The following AGBL1 variants were observed in gnomAD, a reference collection of about 807,000 sequenced individuals.
The protein encoded by AGBL1 is AGBL carboxypeptidase 1.
In AGBL1, 130 loss-of-function variants were observed where a neutral mutation model predicts 118.9. The ratio of observed to expected loss-of-function variants is 1.09; its 90% CI spans 0.95 to 1.26. The LOEUF (loss-of-function observed/expected upper bound fraction) is 1.26, where lower values mean the gene tolerates loss of function less well. Among genes scored for constraint, AGBL1 ranks in the 50% most tolerant of loss-of-function variants. AGBL1 has a pLI of 0.00. For missense variants in AGBL1, 1,584 were observed against 1,298.1 expected (o/e 1.22, Z -3.38); for synonymous variants, 555 against 478.9 (o/e 1.16, Z -2.08).
At chr15:86,148,556 G>C (rs2077062916) in intron 3 of AGBL1, among the ~76,000 whole-genome samples, 1 of 152,218 alleles carries the variant, frequency 6.6e-6, no homozygotes, top group Non-Finnish European at 1.5e-5. Flanking sequence ...ATGAAATAAA[G>C]TGAGAAGACA....
intron 13 of AGBL1, among the ~76,000 whole-genome samples, chr15:86,268,070 G>A (rs1214339910): frequency 2.6e-5 from 4 of 152,334 alleles, no homozygotes; most frequent in East Asian, 1.9e-4. Flanking sequence ...CTGGCGCATG[G>A]TCAGCACTTA....
intron 22 of AGBL1, among the ~76,000 whole-genome samples, chr15:86,720,688 A>AGT (rs2086704483): frequency 6.6e-6 from 1 of 152,174 alleles, no homozygotes; most frequent in Non-Finnish European, 1.5e-5. Flanking sequence ...GTCAGGGGTG[A>AGT]GTATACCGAT....
intron 5 of AGBL1, among the ~76,000 whole-genome samples, chr15:86,206,707 T>C (rs1340029127): frequency 6.6e-6 from 1 of 152,240 alleles, no homozygotes; most frequent in South Asian, 2.1e-4. Context: ...ATTGTGGATA[T>C]TAGCCCTTTG....
chr15:86,827,785 C>T (rs957945055), intron 22 of AGBL1, among the ~76,000 whole-genome samples: 5 of 148,826 alleles, frequency 3.4e-5, no homozygotes, highest in African/African-American at 9.9e-5. Flanking sequence ...TCCTTTCTCC[C>T]ATCAATATGT....
chr15:86,413,765 G>C (rs1051675794), intron 18 of AGBL1, among the ~76,000 whole-genome samples: 30 of 151,916 alleles, frequency 2.0e-4, no homozygotes, highest in African/African-American at 7.3e-4. Context: ...TGTAAATTCT[G>C]GATATTAGTC....
chr15:86,980,903 T>C (rs961259777), intron 23 of AGBL1, among the ~76,000 whole-genome samples: 20 of 149,806 alleles, frequency 1.3e-4, no homozygotes, highest in Middle Eastern at 3.4e-3. Flanking sequence ...TTTTTTTTTT[T>C]TGAGACAGAG....
At chr15:86,545,360 A>G (rs1596250078) in intron 19 of AGBL1, among the ~76,000 whole-genome samples, 1 of 152,176 alleles carries the variant, frequency 6.6e-6, no homozygotes, top group African/African-American at 2.4e-5. Context: ...ATATTTCACC[A>G]ATTCCCTTTT....
At chr15:87,023,885 A>G (rs1022182233) in intron 24 of AGBL1, among the ~76,000 whole-genome samples, 2 of 152,050 alleles carry the variant, frequency 1.3e-5, no homozygotes, top group African/African-American at 4.8e-5. Context: ...CTGAATGATC[A>G]TTGGGTCAAA....
At chr15:87,014,928 C>T (rs1006727415) in intron 24 of AGBL1, among the ~76,000 whole-genome samples, 3 of 152,122 alleles carry the variant, frequency 2.0e-5, no homozygotes, top group African/African-American at 4.8e-5. Context: ...TGTTTCTCGG[C>T]GTCTCTCTAA....
At chr15:86,421,015 A>G (rs1407603387) in intron 18 of AGBL1, among the ~76,000 whole-genome samples, 1 of 152,206 alleles carries the variant, frequency 6.6e-6, no homozygotes, top group African/African-American at 2.4e-5. Context: ...GGGAGAATGG[A>G]ACCAAGTTGG....
At chr15:86,757,433 T>G (rs770463181) in intron 22 of AGBL1, among the ~76,000 whole-genome samples, 4 of 152,092 alleles carry the variant, frequency 2.6e-5, no homozygotes, top group Non-Finnish European at 5.9e-5. Context: ...TGACCTAATT[T>G]TTACTGAGCA....
chr15:86,297,088 A>C (rs2079657180), intron 17 of AGBL1: 1 of 152,160 alleles, frequency 6.6e-6, no homozygotes, highest in East Asian at 1.9e-4. Context: ...TTAAAAAAAG[A>C]GAGAGAAAGA....
rs116634363 is a variant in AGBL1, at chr15:86,725,977, A to T, written c.3158+51541A>T. On this transcript the variant is annotated intron_variant, in intron 22 of 22. Coordinates refer to ENST00000614907, the MANE Select transcript of AGBL1 (RefSeq NM_001386094.1). ...CCCAGTACTAATTCTGCATCTGGCAAACAGTATGGTCAAAAAAAAGATGGT... is the reference window on the plus strand; with the variant it reads ...CCCAGTACTAATTCTGCATCTGGCATACAGTATGGTCAAAAAAAAGATGGT... Among the ~76,000 whole-genome samples, 926 of 147,608 alleles carry T rather than the reference A, an allele frequency of 6.3e-3. 11 individuals carry two copies. Among genetic ancestry groups the T allele is most frequent in the African/African-American group, 0.023 (879 of 38,764 alleles).
intron 22 of AGBL1, among the ~76,000 whole-genome samples, chr15:86,735,657 TA>T (rs2077584562): frequency 6.6e-6 from 1 of 150,818 alleles, no homozygotes; most frequent in Non-Finnish European, 1.5e-5. Flanking sequence ...CAAAGAGAGA[TA>T]TATATATATA....
At chr15:86,287,641 C>T (rs539641324) in intron 16 of AGBL1, among the ~76,000 whole-genome samples, 1 of 152,206 alleles carries the variant, frequency 6.6e-6, no homozygotes, top group South Asian at 2.1e-4. Flanking sequence ...TGTCAAAAAT[C>T]AATTGACTAT....
At chr15:86,383,568 C>T (rs76974670) in intron 17 of AGBL1, among the ~76,000 whole-genome samples, 1,841 of 152,154 alleles carry the variant, frequency 0.012, 21 homozygotes, top group Non-Finnish European at 0.018. Context: ...GCCTGGGCAA[C>T]GGAGTGAGAC....
chr15:86,839,566 T>C (rs1234826564), intron 22 of AGBL1, among the ~76,000 whole-genome samples: 4 of 152,190 alleles, frequency 2.6e-5, no homozygotes, highest in South Asian at 2.1e-4. Context: ...TATTCTGTTA[T>C]TAGGGATTAT....
chr15:86,197,515 A>G (rs2077833342), intron 5 of AGBL1, among the ~76,000 whole-genome samples: 1 of 152,252 alleles, frequency 6.6e-6, no homozygotes, highest in East Asian at 1.9e-4. Flanking sequence ...GGCAGGCACT[A>G]AAATTGGATA....
Position 86,566,851 on chromosome 15 carries a change from T to A in AGBL1, c.2994+12314T>A, listed in dbSNP as rs549338478. ...GGAAAGCAGAGTTTATTGTTTAATA[T>A]GGGCTCCTGTGTCAGATGTAGAGTT... is the stretch of plus-strand genomic sequence containing the variant. On this transcript the variant is annotated intron_variant, in intron 21 of 22. Coordinates refer to ENST00000614907, the MANE Select transcript of AGBL1 (RefSeq NM_001386094.1). Among the ~76,000 whole-genome samples, 5 of 152,346 alleles carry A rather than the reference T, an allele frequency of 3.3e-5. 1 individual carries two copies. The highest frequency in any genetic ancestry group is 1.2e-4 in the African/African-American group (5 of 41,582).
Sources: gnomAD v4.1 joint callset for allele counts (sites outside exome capture counted in the v4.1 genomes callset) on GRCh38, gnomAD v4.1.1 for gene constraint, MANE v1.5 for transcripts, NCBI Gene and HGNC (gene_info 2026-07-23, HGNC 2026-07-21) for gene names.